CTIF: variants seen among roughly 807,000 people sequenced by gnomAD.
CTIF encodes cap binding complex dependent translation initiation factor.
CTIF carries 21 observed loss-of-function variants against 66.0 expected under a neutral mutation model. The ratio of observed to expected loss-of-function variants is 0.32; its 90% CI spans 0.23 to 0.46. The LOEUF is 0.46. Among genes scored for constraint, CTIF ranks in the 20% least tolerant of loss-of-function variants. The pLI, the probability that CTIF is intolerant of heterozygous loss-of-function variation, is 1.00. For synonymous variants in CTIF, 345 were observed against 326.4 expected (o/e 1.06, Z -0.62); for missense variants, 739 against 812.7 (o/e 0.91, Z 1.10).
chr18:48,590,820 C>T (rs371512360), intron 1 of CTIF, among the ~76,000 whole-genome samples: 6 of 152,264 alleles, frequency 3.9e-5, no homozygotes, highest in East Asian at 3.9e-4. Flanking sequence ...CCCTCCACCC[C>T]GCCCCCACCA....
intron 9 of CTIF, among the ~76,000 whole-genome samples, chr18:48,813,679 C>G (rs2068306408): frequency 2.0e-5 from 3 of 152,238 alleles, no homozygotes; most frequent in Non-Finnish European, 4.4e-5. Context: ...AGAATGCTCT[C>G]TTGATGCCAT....
intron 10 of CTIF, among the ~76,000 whole-genome samples, chr18:48,821,964 A>G (rs1315309352): frequency 1.3e-5 from 2 of 152,140 alleles, no homozygotes; most frequent in Non-Finnish European, 2.9e-5. Flanking sequence ...ACTTTCACCC[A>G]TTGATTAGCG....
rs577550607 is a variant in CTIF, at chr18:48,676,117, C to T, written c.507+5373C>T. The stretch of plus-strand genomic sequence containing the variant: ...GTCGGCGCGACCAGTGTGAGAAAGA[C>T]GGTCTAACGGGCATGTTGTCCCTGT... On this transcript the variant is annotated intron_variant, in intron 6 of 11. Coordinates refer to ENST00000256413, the MANE Select transcript of CTIF (RefSeq NM_014772.3). Among the ~76,000 whole-genome samples the T allele has an allele frequency of 1.4e-4, 22 of 152,164 alleles. No individual in the cohort carries two copies. The South Asian group carries it at 3.9e-3, about 27-fold the overall frequency.
At chr18:48,659,081 G>A (rs1331694644) in intron 3 of CTIF, among the ~76,000 whole-genome samples, 4 of 152,182 alleles carry the variant, frequency 2.6e-5, no homozygotes, top group African/African-American at 9.7e-5. Context: ...CCACGTGCTA[G>A]GCTATTTCTC....
At chr18:48,719,178 T>A (rs1292388914) in intron 7 of CTIF, among the ~76,000 whole-genome samples, 1 of 152,238 alleles carries the variant, frequency 6.6e-6, no homozygotes, top group Non-Finnish European at 1.5e-5. Context: ...GTGGCTTCTG[T>A]ATCCCAGGCT....
intron 7 of CTIF, among the ~76,000 whole-genome samples, chr18:48,754,551 C>A (rs1190545907): frequency 6.6e-6 from 1 of 152,238 alleles, no homozygotes; most frequent in Non-Finnish European, 1.5e-5. Flanking sequence ...TTCTTCCCTG[C>A]CCTCCCAGGG....
chr18:48,772,008 C>T (rs190654558), intron 9 of CTIF, among the ~76,000 whole-genome samples: 2 of 152,332 alleles, frequency 1.3e-5, no homozygotes, highest in East Asian at 3.9e-4. Context: ...GTCCCTGGCT[C>T]CCCAGGGAGG....
At chr18:48,666,525 A>G (rs527979499) in intron 5 of CTIF, among the ~76,000 whole-genome samples, 1 of 152,244 alleles carries the variant, frequency 6.6e-6, no homozygotes, top group African/African-American at 2.4e-5. Context: ...ATTTTCTGCA[A>G]ATTTGTATGT....
At position 48,761,096 on chromosome 18, in the gene CTIF, A is replaced by G. The variant is rs984104917; in HGVS notation, c.1072-294A>G. 1 of 301,278 alleles carries G rather than the reference A, an allele frequency of 3.3e-6. No homozygotes were observed. The highest frequency in any genetic ancestry group is 5.7e-5 in the East Asian group (1 of 17,540). 18.7% of individuals were successfully genotyped at this position (301,278 alleles called of 1,614,324 possible). On this transcript the variant is annotated intron_variant, in intron 8 of 11. Coordinates refer to ENST00000256413, the MANE Select transcript of CTIF (RefSeq NM_014772.3). The surrounding 1 kb of genome is among the most constrained non-coding windows in gnomAD (Gnocchi z 4.2). ...CATTAAATCTTTTCTAGATTAAGAT[A>G]TTTGATGGACAAATAAACAAAAAAA...
chr18:48,551,796 CTTTT>C (rs201568777), intron 1 of CTIF, among the ~76,000 whole-genome samples: 1 of 151,426 alleles, frequency 6.6e-6, no homozygotes, highest in Non-Finnish European at 1.5e-5. Flanking sequence ...TAATAACTTT[CTTTT>C]TCTTTTTTTT....
chr18:48,791,422 G>A (rs2067789733), intron 9 of CTIF, among the ~76,000 whole-genome samples: 1 of 152,150 alleles, frequency 6.6e-6, no homozygotes, highest in Admixed American at 6.5e-5. Flanking sequence ...AGACAGGCAG[G>A]GACACAGGCA....
chr18:48,761,675 C>T lies in CTIF; in HGVS notation c.1357C>T (p.Leu453Phe), dbSNP rs1055731978. 6.2e-7 allele frequency: 1 copy of T among 1,608,756 alleles called. No homozygotes were observed. The highest frequency in any genetic ancestry group is 8.5e-7 in the Non-Finnish European group (1 of 1,175,600). The change falls in exon 9 of 12, where the codon CTC (leucine) becomes TTC (phenylalanine). Residue 453 changes from leucine to phenylalanine, a missense_variant. Physicochemically the swap from Leu to Phe is conservative, Grantham distance 22 (BLOSUM62 0). Around this residue, in one of 2 missense-constraint regions of CTIF, gnomAD observed 210 missense variants for 292.3 expected, o/e 0.72. Coordinates refer to ENST00000256413, the MANE Select transcript of CTIF (RefSeq NM_014772.3). This position sits in a 1 kb window ranked among gnomAD's most constrained non-coding sequence, Gnocchi z 4.2. ...VEGTKFRSLLLNMLQKDFTVR... is the reference protein window; with the variant it reads ...VEGTKFRSLLFNMLQKDFTVR... ...GGGGACCAAGTTCCGGAGCCTGCTC[C>T]TCAACATGCTGCAGGTAACTGGACG...
chr18:48,682,524 C>T (rs1042860491), intron 6 of CTIF, among the ~76,000 whole-genome samples: 21 of 152,230 alleles, frequency 1.4e-4, no homozygotes, highest in Non-Finnish European at 2.5e-4. Context: ...GAACCACTGC[C>T]TTACGACCTA....
At chr18:48,792,617 A>C (rs192016974) in intron 9 of CTIF, among the ~76,000 whole-genome samples, 145 of 152,230 alleles carry the variant, frequency 9.5e-4, no homozygotes, top group African/African-American at 3.4e-3. Context: ...GGTGGTGGTG[A>C]AGTGATTAGG....
intron 6 of CTIF, among the ~76,000 whole-genome samples, chr18:48,695,706 T>C (rs1471358757): frequency 6.6e-6 from 1 of 152,262 alleles, no homozygotes; most frequent in Non-Finnish European, 1.5e-5. Flanking sequence ...CCTGCCTCCA[T>C]ACATTACAGC....
At chr18:48,643,485 C>T (rs554148742) in intron 3 of CTIF, among the ~76,000 whole-genome samples, 1 of 152,264 alleles carries the variant, frequency 6.6e-6, no homozygotes, top group East Asian at 1.9e-4. Context: ...TGGGGCAGGA[C>T]CCTCTCTGGA....
chr18:48,844,696 A>G (rs1015290470), intron 10 of CTIF, among the ~76,000 whole-genome samples: 4 of 152,206 alleles, frequency 2.6e-5, no homozygotes, highest in Admixed American at 6.5e-5. Flanking sequence ...CCAAGGCTCC[A>G]TGTTAGACTG....
At chr18:48,857,874 C>CCTAGACAGAG (rs5824769) in intron 11 of CTIF, among the ~76,000 whole-genome samples, 59,811 of 151,776 alleles carry the variant, frequency 0.39, 14,428 homozygotes, top group African/African-American at 0.68. Flanking sequence ...GAAGTGATTC[C>CCTAGACAGAG]CAGTGGCATT....
intron 7 of CTIF, among the ~76,000 whole-genome samples, chr18:48,744,823 T>C (rs1003318899): frequency 1.1e-4 from 16 of 142,122 alleles, no homozygotes; most frequent in Non-Finnish European, 2.0e-4. Context: ...TTTCTTCTTC[T>C]TTTTTTTTTT....
Sources: allele counts gnomAD v4.1 joint callset (sites outside exome capture counted in the v4.1 genomes callset), GRCh38; gene constraint gnomAD v4.1.1; regional missense constraint gnomAD v4.1.1; non-coding constraint Gnocchi (gnomAD v3.1); transcripts MANE v1.5; gene names NCBI Gene and HGNC (gene_info 2026-07-23, HGNC 2026-07-21).